The following TTC7A variants were observed in gnomAD, a reference collection of about 807,000 sequenced individuals.
TTC7A encodes the protein tetratricopeptide repeat protein 7A.
In TTC7A, 110 loss-of-function variants were observed where a neutral mutation model predicts 103.7. The ratio of observed to expected loss-of-function variants is 1.06; its 90% CI spans 0.91 to 1.24. The LOEUF (loss-of-function observed/expected upper bound fraction) is 1.24, where lower values mean the gene tolerates loss of function less well. TTC7A is among the 50% of genes most tolerant of loss of function. The pLI, the probability that TTC7A is intolerant of heterozygous loss-of-function variation, is 0.00. For synonymous variants in TTC7A, 521 were observed against 467.9 expected (o/e 1.11, Z -1.47); for missense variants, 1,340 against 1,116.3 (o/e 1.20, Z -2.86).
At chr2:47,023,803 G>C (rs1466518886) in intron 13 of TTC7A, among the ~76,000 whole-genome samples, 1 of 152,094 alleles carries the variant, frequency 6.6e-6, no homozygotes, top group African/African-American at 2.4e-5. Flanking sequence ...ATGTGTAACA[G>C]GGGCTCAAAA....
At chr2:46,925,622 C>T (rs1347379394) in intron 2 of TTC7A, among the ~76,000 whole-genome samples, 1 of 152,118 alleles carries the variant, frequency 6.6e-6, no homozygotes, top group Non-Finnish European at 1.5e-5. Context: ...TATCAACTGA[C>T]TCATTTGATG....
chr2:46,981,619 G>A (rs535919423), intron 5 of TTC7A, among the ~76,000 whole-genome samples: 155 of 152,324 alleles, frequency 1.0e-3, no homozygotes, highest in Admixed American at 2.4e-3. Flanking sequence ...CCTGAAGTGG[G>A]TCATGAATCT....
At chr2:47,033,178 C>A (rs1339116311) in intron 15 of TTC7A, among the ~76,000 whole-genome samples, 1 of 152,194 alleles carries the variant, frequency 6.6e-6, no homozygotes, top group African/African-American at 2.4e-5. Context: ...GAGGAGAAGC[C>A]CTGTGTGCCT....
intron 18 of TTC7A, among the ~76,000 whole-genome samples, chr2:47,055,493 A>G (rs571726835): frequency 1.3e-5 from 2 of 152,268 alleles, no homozygotes; most frequent in South Asian, 4.1e-4. Context: ...TGGGAGAGGC[A>G]CAGAGTCCCA....
In TTC7A at chr2:47,029,403, C is replaced by T. The variant is rs1340219371; in HGVS notation, c.1802+19C>T. On this transcript the variant is annotated intron_variant, in intron 15 of 19. Coordinates refer to ENST00000319190, the MANE Select transcript of TTC7A (RefSeq NM_020458.4). ...ACTTCAAGTGAGTGCCCTGGGAACA[C>T]TCTGGCAGTGGGGGAGCTGGCTGGC... The T allele has an allele frequency of 6.2e-7, 1 of 1,612,388 alleles. No homozygotes were observed. Among genetic ancestry groups the T allele is most frequent in the South Asian group, 1.1e-5 (1 of 91,058 alleles).
chr2:46,994,500 C>CT lies in TTC7A; in HGVS notation c.988dup (p.Tyr330LeufsTer2), dbSNP rs1374641027. The CT allele has an allele frequency of 5.6e-6, 9 of 1,613,858 alleles. No individual in the cohort carries two copies. On this transcript the variant is annotated frameshift_variant, in exon 7 of 20. Coordinates refer to ENST00000319190, the MANE Select transcript of TTC7A (RefSeq NM_020458.4). LOFTEE classifies it high-confidence loss of function. ...CTCAGGCCCTGCGGAAACCTCACCT[C>CT]TATGAAGGAGACAAGTAAGTTCTGC...
intron 2 of TTC7A, among the ~76,000 whole-genome samples, chr2:46,924,598 G>T (rs774045623): frequency 6.6e-6 from 1 of 152,048 alleles, no homozygotes; most frequent in Non-Finnish European, 1.5e-5. Flanking sequence ...ATATTCATAA[G>T]AGTACCTTAC....
At chr2:46,928,578 T>C (rs1389703256) in intron 2 of TTC7A, among the ~76,000 whole-genome samples, 2 of 150,540 alleles carry the variant, frequency 1.3e-5, no homozygotes, top group African/African-American at 4.9e-5. Context: ...GAGACCAACC[T>C]AGGCAACATG....
chr2:47,053,923 C>T (rs1170050998), intron 18 of TTC7A, among the ~76,000 whole-genome samples: 1 of 152,166 alleles, frequency 6.6e-6, no homozygotes, highest in Non-Finnish European at 1.5e-5. Flanking sequence ...GCTTGCAGTT[C>T]TCAGGTTGTA....
chr2:47,013,138 G>A (rs1057400125), intron 11 of TTC7A, among the ~76,000 whole-genome samples: 6 of 152,284 alleles, frequency 3.9e-5, no homozygotes, highest in Middle Eastern at 3.4e-3. Context: ...AGGGCTGGAC[G>A]GGTCAGGGAG....
intron 3 of TTC7A, among the ~76,000 whole-genome samples, chr2:46,963,190 C>G (rs1319766910): frequency 6.6e-6 from 1 of 152,254 alleles, no homozygotes; most frequent in Non-Finnish European, 1.5e-5. Context: ...CCCCCTGTCT[C>G]CTCTGGCACT....
chr2:47,062,976 C>T (rs1224203477), intron 19 of TTC7A, among the ~76,000 whole-genome samples: 1 of 152,252 alleles, frequency 6.6e-6, no homozygotes, highest in Admixed American at 6.5e-5. Flanking sequence ...TCTACAGGCT[C>T]TGTTCCTGCC....
At chr2:47,030,178 A>G (rs192886312) in intron 15 of TTC7A, among the ~76,000 whole-genome samples, 2 of 152,344 alleles carry the variant, frequency 1.3e-5, no homozygotes, top group African/African-American at 4.8e-5. Flanking sequence ...AAGGAAGGCA[A>G]TTTAGAACCA....
intron 18 of TTC7A, among the ~76,000 whole-genome samples, chr2:47,060,110 G>A (rs1683643529): frequency 6.6e-6 from 1 of 152,126 alleles, no homozygotes; most frequent in Non-Finnish European, 1.5e-5. Flanking sequence ...GTGAGGCCAG[G>A]CACGGTGGCT....
At chr2:46,977,299 T>A (rs180927570) in intron 4 of TTC7A, among the ~76,000 whole-genome samples, 4 of 152,298 alleles carry the variant, frequency 2.6e-5, no homozygotes, top group Non-Finnish European at 5.9e-5. Flanking sequence ...ATACTGTGTG[T>A]CCCTCCTGAG....
At chr2:47,066,559 C>A in intron 19 of TTC7A, among the ~76,000 whole-genome samples, 1 of 152,152 alleles carries the variant, frequency 6.6e-6, no homozygotes, top group East Asian at 1.9e-4. Flanking sequence ...CTGGCCCTCT[C>A]CCCCATCATG....
upstream of TTC7A, among the ~76,000 whole-genome samples, chr2:46,937,279 C>T (rs559243393): frequency 6.6e-6 from 1 of 152,232 alleles, no homozygotes; most frequent in East Asian, 1.9e-4. The surrounding 1 kb of genome is among the most constrained non-coding windows in gnomAD (Gnocchi z 4.0). Context: ...TTCTTTTCCC[C>T]TACCCTATGC....
chr2:46,919,340 C>T (rs993303567), intron 2 of TTC7A, among the ~76,000 whole-genome samples: 1 of 152,144 alleles, frequency 6.6e-6, no homozygotes, highest in Non-Finnish European at 1.5e-5. Context: ...TCGAGACCAG[C>T]CTGGCCAGCA....
At position 47,054,069 on chromosome 2, in the gene TTC7A, T is replaced by G. The variant is rs1683121254; in HGVS notation, c.2152+2189T>G. On this transcript the variant is annotated intron_variant, in intron 18 of 19. Coordinates refer to ENST00000319190, the MANE Select transcript of TTC7A (RefSeq NM_020458.4). ...TCAGTCATTTGCACATGAGCCTTTC[T>G]TCTTTGGTCATTGTCTTAGATATTC... 3.1e-6 allele frequency: 3 copies of G among 977,110 alleles called. No individual in the cohort carries two copies. The South Asian group carries it at 1.4e-4, about 46-fold the overall frequency. 60.5% of individuals were successfully genotyped at this position (977,110 alleles called of 1,614,324 possible).
Sources: gnomAD v4.1 joint callset for allele counts (sites outside exome capture counted in the v4.1 genomes callset) on GRCh38, gnomAD v4.1.1 for gene constraint, Gnocchi (gnomAD v3.1) non-coding constraint, MANE v1.5 for transcripts, NCBI Gene and HGNC (gene_info 2026-07-23, HGNC 2026-07-21) for gene names.